The following IFT74 variants were observed in gnomAD, a reference collection of about 807,000 sequenced individuals.
IFT74 encodes intraflagellar transport protein 74 homolog.
A neutral mutation model predicts 96.7 loss-of-function variants in IFT74; 92 were observed. The ratio of observed to expected loss-of-function variants is 0.95; its 90% confidence interval spans 0.80 to 1.13. IFT74 has a LOEUF of 1.13. IFT74 is among the 50% of genes most tolerant of loss of function. The probability of loss-of-function intolerance (pLI) is 0.00; values close to 1 mark genes in which losing one functional copy is unlikely to be tolerated. For synonymous variants in IFT74, 223 were observed against 213.2 expected, an observed-to-expected ratio of 1.05 and a Z score of -0.40; for missense variants, 811 against 698.2, an observed-to-expected ratio of 1.16 and a Z score of -1.82.
At chr9:26,961,029 G>C (rs989752056) in intron 1 of IFT74, among the ~76,000 whole-genome samples, 1 of 150,236 alleles carries the variant, frequency 6.7e-6, no homozygotes, top group African/African-American at 2.5e-5. Context: ...CAGCAACCAG[G>C]AAAGATCAAG....
intron 10 of IFT74, among the ~76,000 whole-genome samples, chr9:27,014,754 G>C (rs949488158): frequency 6.6e-6 from 1 of 152,074 alleles, no homozygotes; most frequent in Non-Finnish European, 1.5e-5. Context: ...GATTACAAGC[G>C]TGCATCACCA....
intron 10 of IFT74, among the ~76,000 whole-genome samples, chr9:27,015,767 C>G (rs999518464): frequency 6.6e-6 from 1 of 152,100 alleles, no homozygotes; most frequent in African/African-American, 2.4e-5. Context: ...ATGTCAGATC[C>G]TTAGTTTTCT....
At position 27,011,396 on chromosome 9, in the gene IFT74, A is replaced by G. The variant is rs140305072; in HGVS notation, c.727-510A>G. Among the ~76,000 whole-genome samples the G allele has an allele frequency of 2.6e-4, 40 of 152,330 alleles. 2 individuals carry two copies. In the East Asian group the frequency reaches 7.7e-3, roughly 29 times the overall value. ...TTTATATTTACATATACGTGTATGT[A>G]TGTGTACATGTGAACCATATTTATA... On this transcript the variant is annotated intron_variant, in intron 9 of 19. Transcript: ENST00000380062.
chr9:26,995,316 C>G (rs1423110941), intron 8 of IFT74: 2 of 473,812 alleles, frequency 4.2e-6, no homozygotes, highest in African/African-American at 3.9e-5. Flanking sequence ...GACTATGTAA[C>G]TGTCAACTAC....
intron 10 of IFT74, among the ~76,000 whole-genome samples, chr9:27,014,333 C>T (rs560717601): frequency 5.3e-5 from 8 of 152,152 alleles, no homozygotes; most frequent in Non-Finnish European, 7.4e-5. Flanking sequence ...AGAAGGACCA[C>T]ATTTAGTATT....
chr9:26,999,804 G>A (rs1828380774), intron 8 of IFT74: 2 of 661,782 alleles, frequency 3.0e-6, no homozygotes, highest in Non-Finnish European at 4.7e-6. Flanking sequence ...CTGAGACAGG[G>A]TCTCACTCTG....
At chr9:27,044,626 G>T in intron 13 of IFT74, 116 bp from the exon 14 acceptor site, 2 of 592,608 alleles carry the variant, frequency 3.4e-6, no homozygotes, top group Non-Finnish European at 6.0e-6. Flanking sequence ...TCACCTAATC[G>T]AACACGTCGA....
In IFT74 at chr9:26,978,261, A is replaced by G. The variant is rs11555693; in HGVS notation, c.254A>G (p.Lys85Arg). Residue 85 changes from lysine (K) to arginine (R), a missense_variant and splice_region_variant, in exon 3 of 20, where the codon AAA (lysine) becomes AGA (arginine). Physicochemically the swap from Lys to Arg is conservative, Grantham distance 26. Coordinates refer to ENST00000380062, the MANE Select transcript of IFT74 (RefSeq NM_025103.4). ...TTGACTGGAATGAAAACTGGGACGAAAGGTACCTATTTTAAGATAAGTATG... is the reference window on the plus strand; with the variant it reads ...TTGACTGGAATGAAAACTGGGACGAGAGGTACCTATTTTAAGATAAGTATG... ...QGLTGMKTGT[K>R]GPQRQILDKS... 128,591 of 1,611,946 alleles carry G rather than the reference A, an allele frequency of 0.08. 15,183 individuals carry two copies. The highest frequency in any genetic ancestry group is 0.67 in the East Asian group (29,931 of 44,708).
intron 18 of IFT74, among the ~76,000 whole-genome samples, chr9:27,057,319 G>A (rs1184435304): frequency 6.6e-6 from 1 of 152,016 alleles, no homozygotes; most frequent in Non-Finnish European, 1.5e-5. Context: ...CAGTGTGTGA[G>A]GTCTAGATTG....
chr9:27,050,595 C>A (rs1413824), intron 16 of IFT74, among the ~76,000 whole-genome samples: 14,246 of 152,082 alleles, frequency 0.094, 720 homozygotes, highest in South Asian at 0.22. Flanking sequence ...CCTGGAATTA[C>A]TACAGTTAGT....
rs1230545252 is a variant in IFT74 at position 26,978,131 on chromosome 9, C to A, written c.124C>A (p.Pro42Thr). 37 of 1,573,846 alleles carry A rather than the reference C, an allele frequency of 2.4e-5. No individual in the cohort carries two copies. Among genetic ancestry groups the A allele is most frequent in the Non-Finnish European group, 3.2e-5 (37 of 1,167,832 alleles). Reference protein sequence around the residue: ...SGNIRVATAMPPGTARPGSRG... With the variant: ...SGNIRVATAMTPGTARPGSRG... ...TGAAATCTTGTTTGTCATTTAGATG[C>A]CACCTGGGACAGCAAGACCAGGTTC... The change falls in exon 3 of 20, where the codon CCA (proline) becomes ACA (threonine). Residue 42 changes from proline (P) to threonine (T), a missense_variant. Physicochemically the swap from Pro to Thr is conservative, Grantham distance 38 (BLOSUM62 -1). Coordinates refer to ENST00000380062, the MANE Select transcript of IFT74 (RefSeq NM_025103.4).
intron 2 of IFT74, among the ~76,000 whole-genome samples, chr9:26,965,469 G>C (rs17756221): frequency 0.04 from 6,084 of 151,998 alleles, 201 homozygotes; most frequent in South Asian, 0.13. Context: ...TTAGGACATC[G>C]TCATCAACTT....
At chr9:27,027,019 A>G (rs371258245) in intron 12 of IFT74, among the ~76,000 whole-genome samples, 216 of 152,310 alleles carry the variant, frequency 1.4e-3, no homozygotes, top group African/African-American at 4.9e-3. Context: ...TGAAAGATAA[A>G]TGAAGCAAAA....
intron 2 of IFT74, among the ~76,000 whole-genome samples, chr9:26,975,310 G>T (rs1256867950): frequency 1.3e-5 from 2 of 152,040 alleles, no homozygotes; most frequent in Non-Finnish European, 2.9e-5. Context: ...ACAGGTTCTT[G>T]CCTCCAAAAA....
chr9:27,038,570 G>A (rs923668452), intron 13 of IFT74, among the ~76,000 whole-genome samples: 7 of 152,066 alleles, frequency 4.6e-5, no homozygotes, highest in African/African-American at 1.4e-4. Context: ...AGCCCACCGC[G>A]CCCGGCCCAG....
chr9:26,983,469 T>G (rs531797726), intron 4 of IFT74, among the ~76,000 whole-genome samples: 3 of 152,056 alleles, frequency 2.0e-5, no homozygotes, highest in African/African-American at 7.2e-5. Context: ...ACAAGTGAGG[T>G]TGGAGGAAGT....
intron 19 of IFT74, 73 bp downstream of exon 19, chr9:27,060,724 C>T (rs947241942): frequency 2.1e-5 from 22 of 1,047,516 alleles, no homozygotes; most frequent in South Asian, 1.7e-4. Context: ...TTTGGGAGGC[C>T]GAGGCAGGTG....
At position 26,962,077 on chromosome 9, in the gene IFT74, T is replaced by C. The variant is rs542289534; in HGVS notation, c.110T>C (p.Val37Ala). The C allele has an allele frequency of 4.3e-6, 7 of 1,614,002 alleles. No homozygotes were observed. The East Asian group carries it at 1.1e-4, about 26-fold the overall frequency. ...GIRPLSGNIRVATAMPPGTAR... is the reference protein window; with the variant it reads ...GIRPLSGNIRAATAMPPGTAR... ...CGACCCCTATCAGGAAATATTCGAGTGGCAACTGCAGTAAGTTTGAAACAA... is the reference window on the plus strand; with the variant it reads ...CGACCCCTATCAGGAAATATTCGAGCGGCAACTGCAGTAAGTTTGAAACAA... Residue 37 changes from valine (V) to alanine (A), a missense_variant, in exon 2 of 20, where the codon GTG (valine) becomes GCG (alanine). Val to Ala is a moderately conservative substitution (Grantham distance 64). Transcript: ENST00000380062.
At chr9:27,011,080 C>T (rs894423363) in intron 9 of IFT74, among the ~76,000 whole-genome samples, 1 of 152,116 alleles carries the variant, frequency 6.6e-6, no homozygotes, top group African/African-American at 2.4e-5. Context: ...TGGTGAAACC[C>T]TGTCTCTACT....
Sources: allele counts gnomAD v4.1 joint callset (sites outside exome capture counted in the v4.1 genomes callset), GRCh38; gene constraint gnomAD v4.1.1; transcripts MANE v1.5; gene names NCBI Gene and HGNC (gene_info 2026-07-23, HGNC 2026-07-21).